The following HCRTR2 variants were observed in gnomAD, a reference collection of about 807,000 sequenced individuals.
The protein encoded by HCRTR2 is orexin receptor type 2.
In HCRTR2, 22 loss-of-function variants were observed where a neutral mutation model predicts 49.0. The observed-to-expected ratio is 0.45, with a 90% CI of 0.32 to 0.64. HCRTR2 has a LOEUF of 0.64. Ranked by LOEUF, HCRTR2 falls within the 30% of genes least tolerant of loss-of-function variation. The pLI, the probability that HCRTR2 is intolerant of heterozygous loss-of-function variation, is 0.04. For missense variants in HCRTR2, 491 were observed against 559.4 expected, an observed-to-expected ratio of 0.88 and a Z score of 1.23; for synonymous variants, 236 against 205.3, an observed-to-expected ratio of 1.15 and a Z score of -1.28.
intron 1 of HCRTR2, among the ~76,000 whole-genome samples, chr6:55,213,282 G>A (rs1483931836): frequency 6.6e-6 from 1 of 152,018 alleles, no homozygotes; most frequent in Non-Finnish European, 1.5e-5. Flanking sequence ...GGTTAGAATA[G>A]GCAACAATCT....
In HCRTR2 at chr6:55,263,757, A is replaced by G. The variant is rs772502992; in HGVS notation, c.697A>G (p.Met233Val). Residue 233 changes from methionine to valine, a missense_variant, in exon 4 of 7, where the codon ATG (methionine) becomes GTG (valine). Met to Val is a conservative substitution (Grantham distance 21, BLOSUM62 1). Coordinates refer to ENST00000370862, the MANE Select transcript of HCRTR2 (RefSeq NM_001384272.1). ...YHICFFLVTY[M>V]APLCLMVLAY... ...CATCTGTTTCTTTCTGGTGACATAC[A>G]TGGCACCACTGTGTCTCATGGTGTT... The G allele has an allele frequency of 1.9e-6, 3 of 1,612,826 alleles. No individual in the cohort carries two copies. Among genetic ancestry groups the G allele is most frequent in the Non-Finnish European group, 2.5e-6 (3 of 1,179,292 alleles).
At chr6:55,134,357 CA>C (rs1289723830) in intron 1 of HCRTR2, among the ~76,000 whole-genome samples, 2 of 151,482 alleles carry the variant, frequency 1.3e-5, no homozygotes, top group African/African-American at 4.8e-5. Flanking sequence ...ATATAATTGG[CA>C]AAAAATTTAT....
chr6:55,164,364 G>T (rs1764847172), intron 1 of HCRTR2, among the ~76,000 whole-genome samples: 3 of 152,086 alleles, frequency 2.0e-5, no homozygotes, highest in Admixed American at 2.0e-4. Flanking sequence ...GCAAAGACTT[G>T]GAACCAACCC....
intron 1 of HCRTR2, among the ~76,000 whole-genome samples, chr6:55,241,653 T>G (rs1191734480): frequency 6.6e-6 from 1 of 152,114 alleles, no homozygotes; most frequent in African/African-American, 2.4e-5. Context: ...TCACAGTTGC[T>G]GTGATTAACA....
At chr6:55,115,885 C>T (rs1426285063) in intron 1 of HCRTR2, among the ~76,000 whole-genome samples, 1 of 151,334 alleles carries the variant, frequency 6.6e-6, no homozygotes, top group African/African-American at 2.4e-5. Flanking sequence ...TACTACATCT[C>T]TTTTGTTTGA....
At chr6:55,240,357 CAAAAAAA>C (rs1167981530) in intron 1 of HCRTR2, among the ~76,000 whole-genome samples, 44 of 46,004 alleles carry the variant, frequency 9.6e-4, no homozygotes, top group Non-Finnish European at 1.3e-3. Context: ...GACTCCAGCT[CAAAAAAA>C]AAAAAAAAAA....
intron 4 of HCRTR2, among the ~76,000 whole-genome samples, chr6:55,272,681 T>C (rs934548098): frequency 5.9e-5 from 9 of 151,726 alleles, no homozygotes; most frequent in African/African-American, 2.2e-4. Flanking sequence ...GTTAATGTAA[T>C]GAGAGACTAT....
chr6:55,177,088 T>A (rs1191613407), intron 1 of HCRTR2, among the ~76,000 whole-genome samples: 1 of 152,182 alleles, frequency 6.6e-6, no homozygotes, highest in East Asian at 1.9e-4. Context: ...TGGGGAGTTT[T>A]AGTTTCAAGA....
chr6:55,191,925 G>T (rs1489647724), intron 1 of HCRTR2, among the ~76,000 whole-genome samples: 2 of 152,020 alleles, frequency 1.3e-5, no homozygotes, highest in Non-Finnish European at 2.9e-5. Context: ...TACCTTCAAA[G>T]AATAGGTGTT....
intron 1 of HCRTR2, among the ~76,000 whole-genome samples, chr6:55,218,455 A>G (rs1244062917): frequency 6.6e-6 from 1 of 152,210 alleles, no homozygotes; most frequent in Non-Finnish European, 1.5e-5. Context: ...CAAACAAAAG[A>G]CAAAGATTAG....
At chr6:55,142,093 A>G (rs1305950603) in intron 1 of HCRTR2, among the ~76,000 whole-genome samples, 1 of 152,242 alleles carries the variant, frequency 6.6e-6, no homozygotes, top group African/African-American at 2.4e-5. Flanking sequence ...AGTAAGTTTT[A>G]TCTCCCAAAA....
intron 1 of HCRTR2, among the ~76,000 whole-genome samples, chr6:55,196,090 A>T (rs2127281236): frequency 6.6e-6 from 1 of 152,358 alleles, no homozygotes; most frequent in South Asian, 2.1e-4. Context: ...TAGCATAGAG[A>T]TCTGTAATTA....
At chr6:55,154,971 C>T (rs1764711738) in intron 1 of HCRTR2, among the ~76,000 whole-genome samples, 1 of 151,476 alleles carries the variant, frequency 6.6e-6, no homozygotes, top group African/African-American at 2.4e-5. Flanking sequence ...GGAAACAATC[C>T]CCATTACAAT....
At chr6:55,128,735 G>T (rs936821140) in intron 1 of HCRTR2, among the ~76,000 whole-genome samples, 1 of 152,054 alleles carries the variant, frequency 6.6e-6, no homozygotes, top group Non-Finnish European at 1.5e-5. Context: ...TTTTAAAAAA[G>T]ATATTTTACA....
chr6:55,211,022 T>C (rs894698180), intron 1 of HCRTR2, among the ~76,000 whole-genome samples: 1 of 152,174 alleles, frequency 6.6e-6, no homozygotes, highest in African/African-American at 2.4e-5. Flanking sequence ...GATACACAAA[T>C]GCTTATCATT....
Position 55,248,836 on chromosome 6 carries a change from T to C in HCRTR2, c.402+19T>C. ...TCTACAGGTAATTGTTTTTAATGCT[T>C]TTTTGAAGCTACTAAAAAGAATGTT... On this transcript the variant is annotated intron_variant, in intron 2 of 6. Coordinates refer to ENST00000370862, the MANE Select transcript of HCRTR2 (RefSeq NM_001384272.1). 1 of 1,603,670 alleles carries C rather than the reference T, an allele frequency of 6.2e-7. No homozygotes were observed. Among genetic ancestry groups the C allele is most frequent in the Non-Finnish European group, 8.5e-7 (1 of 1,170,686 alleles).
intron 2 of HCRTR2, among the ~76,000 whole-genome samples, chr6:55,253,705 G>C (rs538734482): frequency 6.6e-6 from 1 of 152,230 alleles, no homozygotes; most frequent in East Asian, 1.9e-4. Context: ...CCATAAAAAA[G>C]AATGAGATCA....
At chr6:55,139,881 A>G (rs972183371) in intron 1 of HCRTR2, among the ~76,000 whole-genome samples, 7 of 152,206 alleles carry the variant, frequency 4.6e-5, no homozygotes, top group Admixed American at 2.0e-4. Context: ...TTTTTTCTAG[A>G]AAGTGAGTTC....
At chr6:55,112,730 A>G (rs1266273923) in intron 1 of HCRTR2, among the ~76,000 whole-genome samples, 1 of 151,918 alleles carries the variant, frequency 6.6e-6, no homozygotes, top group East Asian at 1.9e-4. Flanking sequence ...GCGATCTACA[A>G]GTTCAATGCA....
Sources: allele counts gnomAD v4.1 joint callset (sites outside exome capture counted in the v4.1 genomes callset), GRCh38; gene constraint gnomAD v4.1.1; transcripts MANE v1.5; gene names NCBI Gene and HGNC (gene_info 2026-07-23, HGNC 2026-07-21).